The following EEFSEC variants were observed in gnomAD, a reference collection of about 807,000 sequenced individuals.
EEFSEC encodes the protein selenocysteine-specific elongation factor.
Under a neutral mutation model 42.1 loss-of-function variants are expected in EEFSEC, and 43 were observed. The ratio of observed to expected loss-of-function variants is 1.02; its 90% CI spans 0.80 to 1.32. The LOEUF is 1.32. Among genes scored for constraint, EEFSEC ranks in the 40% most tolerant of loss-of-function variants. The pLI is 0.00. For missense variants in EEFSEC, 745 were observed against 803.6 expected, an observed-to-expected ratio of 0.93 and a Z score of 0.88; for synonymous variants, 354 against 339.1, an observed-to-expected ratio of 1.04 and a Z score of -0.48.
At chr3:128,247,168 A>G in intron 2 of EEFSEC, 125 bp downstream of exon 2, 2 of 1,007,332 alleles carry the variant, frequency 2.0e-6, no homozygotes, top group Admixed American at 2.3e-5. Flanking sequence ...TGAGATCTCA[A>G]CCTGGCATTT....
At chr3:128,420,896 G>C in the EEFSEC span, among the ~76,000 whole-genome samples, 8 of 152,142 alleles carry the variant, frequency 5.3e-5, no homozygotes, top group African/African-American at 1.9e-4. Context: ...ACATATGCAG[G>C]TTCCAGAAGC....
chr3:128,300,575 G>T lies in EEFSEC; in HGVS notation c.786+35794G>T, dbSNP rs528145330. Among the ~76,000 whole-genome samples, 369 of 143,070 alleles carry T rather than the reference G, an allele frequency of 2.6e-3. 2 individuals are homozygous for T. The highest frequency in any genetic ancestry group is 8.9e-3 in the African/African-American group (348 of 38,992). 93.9% of individuals were successfully genotyped at this position (143,070 alleles called of 152,430 possible). A position where few individuals can be genotyped will look rare whatever the true frequency, so the allele number is the denominator to read the frequency against. On this transcript the variant is annotated intron_variant, in intron 4 of 6. Transcript: ENST00000254730. The stretch of plus-strand genomic sequence containing the variant: ...AAAAAAAAAAAAAGGCCAGTGTGAT[G>T]AAATATACTATTAATATATTATTAA...
intron 6 of EEFSEC, among the ~76,000 whole-genome samples, chr3:128,395,264 G>A (rs1411333363): frequency 6.6e-6 from 1 of 152,210 alleles, no homozygotes; most frequent in Non-Finnish European, 1.5e-5. Context: ...CATGGGGAGT[G>A]GGTCAGCTCC....
intron 4 of EEFSEC, among the ~76,000 whole-genome samples, chr3:128,329,441 G>A (rs1436768535): frequency 6.8e-6 from 1 of 148,034 alleles, no homozygotes; most frequent in African/African-American, 2.5e-5. Context: ...GATGCTCTCA[G>A]TCTGGACAGG....
At chr3:128,318,596 A>T (rs2066973889) in intron 4 of EEFSEC, among the ~76,000 whole-genome samples, 1 of 152,162 alleles carries the variant, frequency 6.6e-6, no homozygotes, top group Non-Finnish European at 1.5e-5. Context: ...ACCTCTCCAC[A>T]GCCATTTGTA....
At position 128,242,476 on chromosome 3, in the gene EEFSEC, T is replaced by C. The variant is rs551237010; in HGVS notation, c.317-4360T>C. ...AATGTAACATTTTTTCTCCTTCTTA[T>C]AATGCCCATAGCTTTGACTTTTTTA... On this transcript the variant is annotated intron_variant, in intron 1 of 6. Transcript: ENST00000254730. 9.8e-5 allele frequency among the ~76,000 whole-genome samples: 15 copies of C among 152,286 alleles called. No individual in the cohort carries two copies. The South Asian group carries it at 3.1e-3, about 32-fold the overall frequency.
At chr3:128,175,872 T>C (rs551313974) in intron 1 of EEFSEC, among the ~76,000 whole-genome samples, 1 of 152,278 alleles carries the variant, frequency 6.6e-6, no homozygotes, top group African/African-American at 2.4e-5. Context: ...CTGTGCTCAG[T>C]TAAGTGGAGC....
At chr3:128,274,640 C>T (rs148353690) in intron 4 of EEFSEC, among the ~76,000 whole-genome samples, 11 of 152,346 alleles carry the variant, frequency 7.2e-5, no homozygotes, top group African/African-American at 2.2e-4. Flanking sequence ...CTAACTTATA[C>T]GTGCTTTTGG....
chr3:128,217,222 A>T (rs1002623243), intron 1 of EEFSEC, among the ~76,000 whole-genome samples: 1 of 152,090 alleles, frequency 6.6e-6, no homozygotes. Context: ...GCGAGATAGG[A>T]TGGAGAGTAA....
At chr3:128,362,028 C>T (rs747085332) in intron 6 of EEFSEC, 8 of 322,438 alleles carry the variant, frequency 2.5e-5, no homozygotes, top group Non-Finnish European at 4.3e-5. Flanking sequence ...GTCACCTCAC[C>T]CCTCTCCATC....
intron 4 of EEFSEC, among the ~76,000 whole-genome samples, chr3:128,273,810 T>C (rs2066439312): frequency 6.6e-6 from 1 of 152,196 alleles, no homozygotes; most frequent in Admixed American, 6.5e-5. Context: ...AGTGGTGTCT[T>C]CCTAAGGAAG....
chr3:128,162,407 C>T (rs1315921018), intron 1 of EEFSEC, among the ~76,000 whole-genome samples: 1 of 152,186 alleles, frequency 6.6e-6, no homozygotes, highest in African/African-American at 2.4e-5. Context: ...TATTCAAGTA[C>T]AAGTTTTCTT....
intron 4 of EEFSEC, among the ~76,000 whole-genome samples, chr3:128,298,860 G>A (rs1299416345): frequency 6.6e-6 from 1 of 152,118 alleles, no homozygotes; most frequent in Non-Finnish European, 1.5e-5. Flanking sequence ...TAACATAATG[G>A]CCTCTAGTTC....
chr3:128,268,246 A>G (rs2066375552), intron 4 of EEFSEC, among the ~76,000 whole-genome samples: 1 of 152,206 alleles, frequency 6.6e-6, no homozygotes, highest in Non-Finnish European at 1.5e-5. Flanking sequence ...AGGTCCACAG[A>G]TGGAGAGGCA....
intron 1 of EEFSEC, among the ~76,000 whole-genome samples, chr3:128,242,804 T>G (rs932283091): frequency 2.6e-5 from 4 of 152,238 alleles, no homozygotes; most frequent in African/African-American, 9.6e-5. Flanking sequence ...TACAACTAGA[T>G]GAAAAACTCT....
chr3:128,209,116 G>A (rs944454220), intron 1 of EEFSEC, among the ~76,000 whole-genome samples: 4 of 152,250 alleles, frequency 2.6e-5, no homozygotes, highest in Non-Finnish European at 5.9e-5. Flanking sequence ...TCCATGGCAT[G>A]TTAATGTGGG....
intron 5 of EEFSEC, among the ~76,000 whole-genome samples, chr3:128,354,544 T>G (rs2659701): frequency 0.93 from 140,911 of 152,204 alleles, 65,352 homozygotes; most frequent in East Asian, 1. Context: ...AACAAGGAAC[T>G]CTGGGAGCCC....
downstream of EEFSEC, among the ~76,000 whole-genome samples, chr3:128,413,408 G>C (rs2107645619): frequency 6.6e-6 from 1 of 152,244 alleles, no homozygotes; most frequent in East Asian, 1.9e-4. Context: ...CCAGTGCAGG[G>C]ACCTCAGAGG....
At chr3:128,227,096 A>G (rs1485268632) in intron 1 of EEFSEC, among the ~76,000 whole-genome samples, 23 of 152,154 alleles carry the variant, frequency 1.5e-4, no homozygotes, top group Admixed American at 1.5e-3. Flanking sequence ...TTCACAGTGC[A>G]GTGTGTTCCT....
Sources: gnomAD v4.1 joint callset for allele counts (sites outside exome capture counted in the v4.1 genomes callset) on GRCh38, gnomAD v4.1.1 for gene constraint, MANE v1.5 for transcripts, NCBI Gene and HGNC (gene_info 2026-07-23, HGNC 2026-07-21) for gene names.